The following RIPOR2 variants were observed in gnomAD, a reference collection of about 807,000 sequenced individuals.
RIPOR2 encodes the protein rho family-interacting cell polarization regulator 2.
Under a neutral mutation model 114.5 loss-of-function variants are expected in RIPOR2, and 39 were observed. The observed-to-expected ratio is 0.34, with a 90% CI of 0.26 to 0.44. RIPOR2 has a LOEUF of 0.44. Ranked by LOEUF, RIPOR2 falls within the 20% of genes least tolerant of loss-of-function variation. RIPOR2 has a pLI of 1.00. For missense variants in RIPOR2, 1,007 were observed against 1,255.1 expected (o/e 0.80, Z 2.99); for synonymous variants, 445 against 484.4 (o/e 0.92, Z 1.07).
intron 13 of RIPOR2, chr6:24,840,764 G>T (rs1761634000): frequency 6.5e-7 from 1 of 1,535,488 alleles, no homozygotes; most frequent in Non-Finnish European, 8.7e-7. Flanking sequence ...GATCGTCAAG[G>T]TGTTTAGCAT....
chr6:24,990,539 C>T (rs1266572059), intron 1 of RIPOR2, among the ~76,000 whole-genome samples: 5 of 152,120 alleles, frequency 3.3e-5, no homozygotes, highest in African/African-American at 9.7e-5. Flanking sequence ...TATGTTGATA[C>T]GAGTGAATAG....
chr6:24,879,528 T>A (rs919850821), intron 1 of RIPOR2, among the ~76,000 whole-genome samples: 1 of 152,198 alleles, frequency 6.6e-6, no homozygotes, highest in Non-Finnish European at 1.5e-5. Context: ...TTGCCATCAT[T>A]TCCCCTAAAA....
chr6:24,871,757 C>T (rs995217738), intron 4 of RIPOR2, among the ~76,000 whole-genome samples: 1 of 152,174 alleles, frequency 6.6e-6, no homozygotes, highest in South Asian at 2.1e-4. Flanking sequence ...GTGCACTATC[C>T]TCATATCCTC....
Position 24,849,819 on chromosome 6 carries a change from G to A in RIPOR2, c.1017C>T (p.Asn339=). 1 of 1,613,652 alleles carries A rather than the reference G, an allele frequency of 6.2e-7. No homozygotes were observed. Among genetic ancestry groups the A allele is most frequent in the Non-Finnish European group, 8.5e-7 (1 of 1,179,664 alleles). The change falls in exon 11 of 22, where the codon AAC becomes AAT. Residue 339 remains asparagine (N), a synonymous_variant. Transcript: ENST00000643898. ...GCACTTACTACCAGGTGATTTCCAGGTTCAGTTTGATGGTACCAAGGTCAT... is the reference window on the plus strand; with the variant it reads ...GCACTTACTACCAGGTGATTTCCAGATTCAGTTTGATGGTACCAAGGTCAT... ...DINDLGTIKL[N]LEITWYPFDV...
At position 24,883,351 on chromosome 6, in the gene RIPOR2, C is replaced by A. The variant is rs954445597; in HGVS notation, c.62-7534G>T. Among the ~76,000 whole-genome samples the A allele has an allele frequency of 6.6e-6, 1 of 152,198 alleles. No individual in the cohort carries two copies. The highest frequency in any genetic ancestry group is 2.4e-5 in the African/African-American group (1 of 41,448). On this transcript the variant is annotated intron_variant, in intron 1 of 21. Coordinates refer to ENST00000643898, the MANE Select transcript of RIPOR2 (RefSeq NM_001286445.3). The surrounding 1 kb of genome is among the most constrained non-coding windows in gnomAD (Gnocchi z 4.1). ...TCTCCATAAGCTAGACTGAGACCAACCCCTCTGAGACAAGACAATTGACCC... is the reference window on the plus strand; with the variant it reads ...TCTCCATAAGCTAGACTGAGACCAAACCCTCTGAGACAAGACAATTGACCC...
intron 5 of RIPOR2, among the ~76,000 whole-genome samples, chr6:24,869,607 C>T (rs1053501122): frequency 2.6e-5 from 4 of 152,112 alleles, no homozygotes; most frequent in African/African-American, 9.7e-5. Context: ...TATGAGCCAC[C>T]ATGCCCGGCC....
chr6:24,921,519 A>G (rs1207536635), intron 1 of RIPOR2, among the ~76,000 whole-genome samples: 2 of 151,742 alleles, frequency 1.3e-5, no homozygotes, highest in African/African-American at 4.8e-5. Flanking sequence ...CTATTCCTGG[A>G]ACACTCTCCC....
intron 21 of RIPOR2, among the ~76,000 whole-genome samples, chr6:24,807,913 A>C (rs1242102251): frequency 6.6e-6 from 1 of 152,194 alleles, no homozygotes; most frequent in Non-Finnish European, 1.5e-5. Flanking sequence ...TGTGTAAGAG[A>C]AAAATGTGCC....
intron 1 of RIPOR2, among the ~76,000 whole-genome samples, chr6:25,034,556 C>T (rs1054530177): frequency 6.6e-6 from 1 of 152,188 alleles, no homozygotes; most frequent in Non-Finnish European, 1.5e-5. Context: ...CTGTTACCAA[C>T]CAGAGACCAA....
chr6:24,912,676 C>T (rs368299088), intron 1 of RIPOR2, among the ~76,000 whole-genome samples: 8 of 152,256 alleles, frequency 5.3e-5, no homozygotes, highest in East Asian at 3.9e-4. Flanking sequence ...AGCGCTACTA[C>T]GGATTAGCAC....
intron 1 of RIPOR2, among the ~76,000 whole-genome samples, chr6:24,995,095 G>A (rs1486252536): frequency 3.9e-5 from 6 of 152,302 alleles, no homozygotes; most frequent in Non-Finnish European, 5.9e-5. Flanking sequence ...AGCTACCAGC[G>A]TGGGGACTTT....
intron 19 of RIPOR2, among the ~76,000 whole-genome samples, chr6:24,820,792 T>G (rs558850662): frequency 1.3e-5 from 2 of 152,256 alleles, no homozygotes; most frequent in East Asian, 3.9e-4. Context: ...TTGTTTCTAC[T>G]TTTTGGTTAT....
intron 2 of RIPOR2, 130 bp downstream of exon 2, chr6:24,875,560 GA>G (rs1245679590): frequency 6.3e-6 from 5 of 799,952 alleles, no homozygotes; most frequent in Non-Finnish European, 9.8e-6. Context: ...TCCTTTCCAT[GA>G]AAAAGATTAA....
intron 1 of RIPOR2, among the ~76,000 whole-genome samples, chr6:24,981,791 A>C (rs1456798599): frequency 2.0e-5 from 3 of 152,286 alleles, no homozygotes; most frequent in African/African-American, 7.2e-5. Flanking sequence ...TAAAGAGTAT[A>C]GTAACAGCTA....
At chr6:24,968,588 G>A (rs1773639130) in intron 1 of RIPOR2, among the ~76,000 whole-genome samples, 1 of 152,170 alleles carries the variant, frequency 6.6e-6, no homozygotes, top group Non-Finnish European at 1.5e-5. Flanking sequence ...TTGCAGAGGG[G>A]GATGATGAGA....
intron 13 of RIPOR2, chr6:24,840,726 G>C: frequency 6.5e-7 from 1 of 1,535,286 alleles, no homozygotes; most frequent in Non-Finnish European, 8.7e-7. Context: ...AGTGATCTCC[G>C]TCCAAGAGGC....
intron 13 of RIPOR2, chr6:24,840,374 GGC>G: frequency 8.7e-7 from 1 of 1,144,116 alleles, no homozygotes; most frequent in Non-Finnish European, 1.1e-6. Context: ...ACCAGGCCCT[GGC>G]ATCATGGGAG....
At chr6:24,944,299 C>T (rs1322364336) in intron 1 of RIPOR2, among the ~76,000 whole-genome samples, 6 of 152,072 alleles carry the variant, frequency 3.9e-5, no homozygotes, top group African/African-American at 1.4e-4. Context: ...ATATAGAACC[C>T]CTTGGCAAAG....
Position 24,825,254 on chromosome 6 carries a change from G to A in RIPOR2, c.2840C>T (p.Ala947Val), listed in dbSNP as rs181654531. 201 of 1,551,060 alleles carry A rather than the reference G, an allele frequency of 1.3e-4. No homozygotes were observed. In the African/African-American group the frequency reaches 2.6e-3, roughly 20 times the overall value. ...TTCCCTGAAATGCTGATTTTTGGAG[G>A]CTGCTGCCAAGTAAAGCGTCACAGC... Reference protein sequence around the residue: ...SEAVTLYLAAASKNQHFREKA... With the variant: ...SEAVTLYLAAVSKNQHFREKA... Residue 947 changes from alanine to valine, a missense_variant, in exon 19 of 22, where the codon GCC becomes GTC. By Grantham distance (64) the Ala-to-Val change is moderately conservative. Transcript: ENST00000643898.
Sources: gnomAD v4.1 joint callset for allele counts (sites outside exome capture counted in the v4.1 genomes callset) on GRCh38, gnomAD v4.1.1 for gene constraint, Gnocchi (gnomAD v3.1) non-coding constraint, MANE v1.5 for transcripts, NCBI Gene and HGNC (gene_info 2026-07-23, HGNC 2026-07-21) for gene names.